Variants in COL4A4 observed in about 807,000 individuals in gnomAD.
COL4A4 encodes the protein collagen alpha-4(IV) chain.
COL4A4 carries 105 observed loss-of-function variants against 192.9 expected under a neutral mutation model. The observed-to-expected ratio is 0.54, with a 90% confidence interval of 0.46 to 0.64. COL4A4 has a LOEUF of 0.64. Among genes scored for constraint, COL4A4 ranks in the 30% least tolerant of loss-of-function variants. The pLI, the probability that COL4A4 is intolerant of heterozygous loss-of-function variation, is 0.00. For synonymous variants in COL4A4, 762 were observed against 769.9 expected (o/e 0.99, Z 0.17); for missense variants, 1,967 against 2,169.3 (o/e 0.91, Z 1.85).
chr2:227,022,061 G>T lies in COL4A4; in HGVS notation c.4203C>A (p.Gly1401=), dbSNP rs1966113667. 1 of 1,613,860 alleles carries T rather than the reference G, an allele frequency of 6.2e-7. No homozygotes were observed. Among genetic ancestry groups the T allele is most frequent in the South Asian group, 1.1e-5 (1 of 91,074 alleles). The change falls in exon 44 of 48, where the codon GGC becomes GGA. Residue 1401 remains glycine, a synonymous_variant. Transcript: ENST00000396625. ...TGCGGCTCATACCTGGTCCTGAGGG[G>T]CCTCTCATTCCAGGGAGCCCCATGG... The part of the protein sequence containing the change: ...EGAMGLPGMR[G]PSGPGCKGEP...
At chr2:226,988,565 G>A in the COL4A4 span, 3 of 1,390,596 alleles carry the variant, frequency 2.2e-6, no homozygotes, top group Non-Finnish European at 2.8e-6. Flanking sequence ...GACTGGTGTG[G>A]AATCTGCATC....
At chr2:227,041,838 A>AAAAG (rs1971240887) in intron 37 of COL4A4, among the ~76,000 whole-genome samples, 2 of 41,572 alleles carry the variant, frequency 4.8e-5, no homozygotes. Flanking sequence ...GAAAGAAAGA[A>AAAAG]AGAAAGAAAG....
intron 3 of COL4A4, among the ~76,000 whole-genome samples, chr2:227,142,682 G>A (rs1174189536): frequency 6.6e-6 from 1 of 151,816 alleles, no homozygotes; most frequent in Non-Finnish European, 1.5e-5. Flanking sequence ...ACTTGAACTG[G>A]GAGGCAGAGG....
chr2:227,157,912 G>T (rs1463293160), intron 1 of COL4A4, among the ~76,000 whole-genome samples: 1 of 151,944 alleles, frequency 6.6e-6, no homozygotes, highest in Non-Finnish European at 1.5e-5. Context: ...ATTTTATGAG[G>T]CTAGCATTAT....
At chr2:227,145,829 T>C (rs16823258) in intron 2 of COL4A4, among the ~76,000 whole-genome samples, 17,731 of 152,170 alleles carry the variant, frequency 0.12, 1,456 homozygotes, top group African/African-American at 0.23. Flanking sequence ...ACACTAAATT[T>C]CCTCTCTCCT....
the COL4A4 span, chr2:226,995,658 C>T: frequency 1.5e-6 from 1 of 672,570 alleles, no homozygotes; most frequent in Non-Finnish European, 2.7e-6. Flanking sequence ...GCTCACATCA[C>T]CTGGGACAGT....
intron 44 of COL4A4, among the ~76,000 whole-genome samples, chr2:227,014,366 G>A (rs1344009451): frequency 6.6e-6 from 1 of 152,158 alleles, no homozygotes; most frequent in Non-Finnish European, 1.5e-5. Flanking sequence ...CCAGTCCCAG[G>A]AACCACACGT....
rs1215595212 is a variant in COL4A4, at chr2:227,010,496, G to C, written c.4339C>G (p.Pro1447Ala). ...EDGYPGGPGPPGPIGDPGPKG... is the reference protein window; with the variant it reads ...EDGYPGGPGPAGPIGDPGPKG... Reference sequence around the variant, plus strand: ...GGCCCAGGATCCCCAATGGGACCAGGAGGCCCTGGAGGAACAAAGGAAAAA... The same window carrying C: ...GGCCCAGGATCCCCAATGGGACCAGCAGGCCCTGGAGGAACAAAGGAAAAA... Residue 1447 changes from proline to alanine, a missense_variant, in exon 46 of 48, where the codon CCT (proline) becomes GCT (alanine). Coordinates refer to ENST00000396625, the MANE Select transcript of COL4A4 (RefSeq NM_000092.5). The C allele has an allele frequency of 6.4e-7, 1 of 1,561,392 alleles. No homozygotes were observed. The highest frequency in any genetic ancestry group is 8.6e-7 in the Non-Finnish European group (1 of 1,158,386).
chr2:227,053,950 C>G (rs1033445510), intron 31 of COL4A4, among the ~76,000 whole-genome samples: 1 of 152,062 alleles, frequency 6.6e-6, no homozygotes, highest in Non-Finnish European at 1.5e-5. Flanking sequence ...GCCCATGGGC[C>G]AAATCCTTCC....
chr2:227,107,472 C>T (rs1056270201), intron 12 of COL4A4, among the ~76,000 whole-genome samples: 2 of 152,162 alleles, frequency 1.3e-5, no homozygotes, highest in African/African-American at 4.8e-5. Flanking sequence ...TTCTGTTCAG[C>T]ATTATATCAC....
At chr2:227,109,168 T>G (rs1264006803) in intron 10 of COL4A4, 56 bp downstream of exon 10, 3 of 1,528,978 alleles carry the variant, frequency 2.0e-6, no homozygotes, top group African/African-American at 1.4e-5. Context: ...GTTGCTTCTT[T>G]ATTTTCATGT....
chr2:227,111,800 T>C, intron 8 of COL4A4, 87 bp from the exon 9 acceptor site: 1 of 1,347,344 alleles, frequency 7.4e-7, no homozygotes, highest in South Asian at 1.2e-5. Context: ...CACAAAATTA[T>C]CTGGACTCAT....
At chr2:227,138,133 AAAT>A (rs35550127) in intron 4 of COL4A4, among the ~76,000 whole-genome samples, 23 of 147,176 alleles carry the variant, frequency 1.6e-4, no homozygotes, top group Non-Finnish European at 2.4e-4. Flanking sequence ...CCACCTCTAC[AAAT>A]AATAATAATA....
At chr2:227,116,428 T>C (rs2124960915) in intron 7 of COL4A4, among the ~76,000 whole-genome samples, 1 of 152,336 alleles carries the variant, frequency 6.6e-6, no homozygotes, top group East Asian at 1.9e-4. Context: ...GATTGGCCCC[T>C]GCACACGTAT....
chr2:227,132,754 A>G (rs1882432), intron 4 of COL4A4, among the ~76,000 whole-genome samples: 52,899 of 151,896 alleles, frequency 0.35, 9,778 homozygotes, highest in Non-Finnish European at 0.41. Flanking sequence ...CCAGCCTGGC[A>G]ACAGAGCAAG....
intron 1 of COL4A4, among the ~76,000 whole-genome samples, chr2:227,157,605 TTAGA>T (rs1324057492): frequency 6.6e-6 from 1 of 151,932 alleles, no homozygotes; most frequent in Non-Finnish European, 1.5e-5. Context: ...AAAAAGATAA[TTAGA>T]GAATCTTCTT....
At position 227,008,318 on chromosome 2, in the gene COL4A4, G is replaced by A. The variant is rs758439065; in HGVS notation, c.4523-14C>T. 1.2e-6 allele frequency: 2 copies of A among 1,613,934 alleles called. No homozygotes were observed. The highest frequency in any genetic ancestry group is 1.1e-5 in the South Asian group (1 of 91,038). ...ACCCTGCCAGACCTTGGGAAGGGAA[G>A]AAGAGACAGCTGGTGTCCAAGCACC... On this transcript the variant is annotated splice_polypyrimidine_tract_variant and intron_variant, in intron 46 of 47. Coordinates refer to ENST00000396625, the MANE Select transcript of COL4A4 (RefSeq NM_000092.5).
At chr2:227,000,801 G>A (rs1960741851), downstream of COL4A4, among the ~76,000 whole-genome samples, 1 of 151,766 alleles carries the variant, frequency 6.6e-6, no homozygotes, top group South Asian at 2.1e-4. Flanking sequence ...AGGTCTCATG[G>A]AATCATGGGG....
chr2:227,002,261 T>TAATC (rs1961182424), downstream of COL4A4, among the ~76,000 whole-genome samples: 1 of 151,888 alleles, frequency 6.6e-6, no homozygotes, highest in Non-Finnish European at 1.5e-5. Context: ...AAGAGAAATG[T>TAATC]AATCAATACC....
Sources: gnomAD v4.1 joint callset for allele counts (sites outside exome capture counted in the v4.1 genomes callset) on GRCh38, gnomAD v4.1.1 for gene constraint, MANE v1.5 for transcripts, NCBI Gene and HGNC (gene_info 2026-07-23, HGNC 2026-07-21) for gene names.